The following MYO16 variants were observed in gnomAD, a reference collection of about 807,000 sequenced individuals.
MYO16 encodes the protein myosin XVI, also known as unconventional myosin-XVI.
Under a neutral mutation model 205.3 loss-of-function variants are expected in MYO16, and 94 were observed. That is an observed-to-expected ratio of 0.46 (90% CI 0.39 to 0.54). The LOEUF (loss-of-function observed/expected upper bound fraction) is 0.54, where lower values mean the gene tolerates loss of function less well. Among genes scored for constraint, MYO16 ranks in the 20% least tolerant of loss-of-function variants. The pLI is 0.00. For synonymous variants in MYO16, 988 were observed against 954.0 expected, an observed-to-expected ratio of 1.04 and a Z score of -0.66; for missense variants, 2,315 against 2,387.5, an observed-to-expected ratio of 0.97 and a Z score of 0.63.
chr13:109,127,540 G>C lies in MYO16; in HGVS notation c.4041G>C (p.Ala1347=), dbSNP rs201341139. Residue 1347 remains alanine, a synonymous_variant, in exon 31 of 35, where the codon GCG becomes GCC. Transcript: ENST00000457511. This position sits in a 1 kb window ranked among gnomAD's most constrained non-coding sequence, Gnocchi z 4.2. ...CCTGCCTCTCCGCGGCCAGGGAAGCGGCCAACGAAGGTCAGCCCTGGGGAG... is the reference window on the plus strand; with the variant it reads ...CCTGCCTCTCCGCGGCCAGGGAAGCCGCCAACGAAGGTCAGCCCTGGGGAG... The part of the protein sequence containing the change: ...VSACLSAARE[A]ANEALARPRP... 4 of 1,609,912 alleles carry C rather than the reference G, an allele frequency of 2.5e-6. No homozygotes were observed. The highest frequency in any genetic ancestry group is 3.4e-6 in the Non-Finnish European group (4 of 1,179,770).
intron 13 of MYO16, 78 bp from the exon 14 acceptor site, chr13:108,888,294 T>C: frequency 3.1e-6 from 3 of 952,716 alleles, no homozygotes; most frequent in Non-Finnish European, 4.7e-6. Context: ...TCCTTCAAAG[T>C]AGTTTCAAAG....
intron 23 of MYO16, among the ~76,000 whole-genome samples, chr13:109,042,970 A>G (rs1886928118): frequency 6.6e-6 from 1 of 152,248 alleles, no homozygotes; most frequent in Non-Finnish European, 1.5e-5. Context: ...AGTGAATTGA[A>G]GTCTCCAAAT....
chr13:108,634,332 G>A (rs1251653958), intron 1 of MYO16, among the ~76,000 whole-genome samples: 1 of 152,140 alleles, frequency 6.6e-6, no homozygotes, highest in Non-Finnish European at 1.5e-5. Flanking sequence ...ATTTCCTCCT[G>A]TGTGTCCAAG....
the MYO16 span, among the ~76,000 whole-genome samples, chr13:108,499,268 T>C: frequency 6.6e-6 from 1 of 152,240 alleles, no homozygotes; most frequent in Non-Finnish European, 1.5e-5. Flanking sequence ...GAGTAGTCAT[T>C]CAAGTATGCA....
intron 1 of MYO16, among the ~76,000 whole-genome samples, chr13:108,657,624 G>T (rs982522410): frequency 6.6e-6 from 1 of 151,896 alleles, no homozygotes; most frequent in African/African-American, 2.4e-5. Context: ...TGTTAATAAG[G>T]TGGAACATCT....
intron 23 of MYO16, among the ~76,000 whole-genome samples, chr13:109,039,222 G>C (rs1481016260): frequency 6.6e-6 from 1 of 152,192 alleles, no homozygotes; most frequent in East Asian, 1.9e-4. Flanking sequence ...CCAAGTGCTG[G>C]AAGGAGCCAG....
chr13:108,636,844 T>A (rs746410873), intron 1 of MYO16, among the ~76,000 whole-genome samples: 1 of 152,230 alleles, frequency 6.6e-6, no homozygotes, highest in Non-Finnish European at 1.5e-5. Context: ...CTAATCTTTA[T>A]GACACTGTAT....
chr13:109,046,804 CT>C, intron 23 of MYO16, 111 bp from the exon 24 acceptor site: 1 of 859,014 alleles, frequency 1.2e-6, no homozygotes, highest in South Asian at 1.6e-5. Context: ...CCTGAAGACA[CT>C]TCTTTTATGA....
In MYO16 at chr13:109,185,951, T is replaced by C. The variant is rs148409856; in HGVS notation, c.5415+6318T>C. Reference sequence around the variant, plus strand: ...TCTTGTTTTTGCTGTGGTGGGACTTTTTTTTCCATTTTGATACATGCATCT... The same window carrying C: ...TCTTGTTTTTGCTGTGGTGGGACTTCTTTTTCCATTTTGATACATGCATCT... On this transcript the variant is annotated intron_variant, in intron 34 of 34. Transcript: ENST00000457511. Among the ~76,000 whole-genome samples the C allele has an allele frequency of 1.8e-3, 278 of 152,334 alleles. 1 individual carries two copies. The highest frequency in any genetic ancestry group is 6.4e-3 in the African/African-American group (268 of 41,568).
intron 19 of MYO16, among the ~76,000 whole-genome samples, chr13:108,964,039 T>C (rs1883693872): frequency 6.6e-6 from 1 of 152,218 alleles, no homozygotes; most frequent in Admixed American, 6.5e-5. Context: ...TCAACCCGCA[T>C]TGCACGTGGA....
intron 1 of MYO16, among the ~76,000 whole-genome samples, chr13:108,618,540 C>T (rs557499158): frequency 6.6e-6 from 1 of 152,300 alleles, no homozygotes; most frequent in Admixed American, 6.5e-5. Flanking sequence ...CAGCCACCAC[C>T]TCTTCCATGC....
intron 24 of MYO16, among the ~76,000 whole-genome samples, chr13:109,050,008 C>T (rs998386474): frequency 3.5e-5 from 5 of 143,036 alleles, no homozygotes; most frequent in Admixed American, 7.2e-5. Context: ...AAGTAAGTTG[C>T]TTGCCTCTTC....
intron 9 of MYO16, 61 bp from the exon 10 acceptor site, chr13:108,844,282 A>C: frequency 6.9e-7 from 1 of 1,443,114 alleles, no homozygotes; most frequent in Non-Finnish European, 9.5e-7. Flanking sequence ...TGTATTGGTA[A>C]TTTTCGATTG....
intron 12 of MYO16, among the ~76,000 whole-genome samples, chr13:108,870,569 A>G (rs1239773551): frequency 6.6e-6 from 1 of 152,114 alleles, no homozygotes; most frequent in Non-Finnish European, 1.5e-5. Flanking sequence ...TGACATACAT[A>G]GGACAGTTCA....
intron 1 of MYO16, among the ~76,000 whole-genome samples, chr13:108,651,777 A>G (rs1200786328): frequency 6.6e-6 from 1 of 152,222 alleles, no homozygotes; most frequent in African/African-American, 2.4e-5. Flanking sequence ...GTTTAGGTGC[A>G]GGATTATGTG....
At position 108,694,156 on chromosome 13, in the gene MYO16, T is replaced by C. The variant is rs553507031; in HGVS notation, c.293-18505T>C. On this transcript the variant is annotated intron_variant, in intron 2 of 34. Coordinates refer to ENST00000457511, the MANE Select transcript of MYO16 (RefSeq NM_001198950.3). ...TCTATATCTTTGCTATTGTGAATAG[T>C]GCTGCAATGAAAATGTTCCTTTTTC... Among the ~76,000 whole-genome samples the C allele has an allele frequency of 3.3e-5, 5 of 152,208 alleles. No individual in the cohort carries two copies. The South Asian group carries it at 6.2e-4, about 19-fold the overall frequency.
chr13:108,746,444 G>C (rs917169364), intron 4 of MYO16, among the ~76,000 whole-genome samples: 5 of 151,968 alleles, frequency 3.3e-5, no homozygotes, highest in African/African-American at 1.2e-4. Context: ...GAAGAAATAA[G>C]ATGTAGAATT....
the MYO16 span, among the ~76,000 whole-genome samples, chr13:108,582,977 CA>C: frequency 1.3e-5 from 2 of 151,986 alleles, no homozygotes; most frequent in African/African-American, 4.8e-5. Flanking sequence ...TTATAATATT[CA>C]ACTTTAGCAT....
chr13:108,823,067 G>A (rs2086987452), intron 8 of MYO16, 58 bp from the exon 9 acceptor site: 1 of 1,462,676 alleles, frequency 6.8e-7, no homozygotes, highest in African/African-American at 1.4e-5. Flanking sequence ...AAAGTAAATA[G>A]ATTTATGTGC....
Sources: allele counts gnomAD v4.1 joint callset (sites outside exome capture counted in the v4.1 genomes callset), GRCh38; gene constraint gnomAD v4.1.1; non-coding constraint Gnocchi (gnomAD v3.1); transcripts MANE v1.5; gene names NCBI Gene and HGNC (gene_info 2026-07-23, HGNC 2026-07-21).